Variants in EIF2D observed in about 807,000 individuals in gnomAD.
The protein encoded by EIF2D is eukaryotic translation initiation factor 2D.
EIF2D carries 56 observed loss-of-function variants against 77.4 expected under a neutral mutation model. The observed-to-expected ratio is 0.72, with a 90% CI of 0.58 to 0.90. The LOEUF (loss-of-function observed/expected upper bound fraction) is 0.90. Ranked by LOEUF, EIF2D falls within the 40% of genes least tolerant of loss-of-function variation. The probability of loss-of-function intolerance (pLI) is 0.00; values close to 1 mark genes in which losing one functional copy is unlikely to be tolerated. For missense variants in EIF2D, 574 were observed against 706.5 expected, an observed-to-expected ratio of 0.81 and a Z score of 2.13; for synonymous variants, 230 against 271.0, an observed-to-expected ratio of 0.85 and a Z score of 1.49.
rs1159399321 is a variant in EIF2D at position 206,599,966 on chromosome 1, AG to A, written c.949-131del. 3 of 883,230 alleles carry A rather than the reference AG, an allele frequency of 3.4e-6. No individual in the cohort carries two copies. Among genetic ancestry groups the A allele is most frequent in the Non-Finnish European group, 5.2e-6 (3 of 582,124 alleles). 54.7% of individuals were successfully genotyped at this position (883,230 alleles called of 1,614,324 possible). ...GAGACAGCCCCTGCCTTCATCAACC[AG>A]GAACTGGGAGGCCCCCAACCTGAGG... On this transcript the variant is annotated intron_variant, in intron 8 of 14. Coordinates refer to ENST00000271764, the MANE Select transcript of EIF2D (RefSeq NM_006893.3). This position sits in a 1 kb window ranked among gnomAD's most constrained non-coding sequence, Gnocchi z 4.1.
chr1:206,578,233 A>AGTGTGTGT (rs58059864), intron 4 of EIF2D, among the ~76,000 whole-genome samples: 7,074 of 117,470 alleles, frequency 0.06, 312 homozygotes, highest in East Asian at 0.22. Flanking sequence ...AAAAAAAAAA[A>AGTGTGTGT]GTGTGTGTGT....
chr1:206,609,290 A>C (rs565071291), intron 3 of EIF2D, 86 bp downstream of exon 3: 1 of 1,336,806 alleles, frequency 7.5e-7, no homozygotes, highest in Non-Finnish European at 1.1e-6. Context: ...CCACAAAAAC[A>C]CAGGAAATGG....
In EIF2D at chr1:206,609,470, A is replaced by G; in HGVS notation, c.248-11T>C. ...ACCACAGCGTGTACACTGTACAAAA[A>G]GAGATCCAGAAAACACTACTACCAA... On this transcript the variant is annotated splice_polypyrimidine_tract_variant and intron_variant, in intron 2 of 14. Coordinates refer to ENST00000271764, the MANE Select transcript of EIF2D (RefSeq NM_006893.3). 1 of 1,607,828 alleles carries G rather than the reference A, an allele frequency of 6.2e-7. No individual in the cohort carries two copies. Among genetic ancestry groups the G allele is most frequent in the South Asian group, 1.1e-5 (1 of 89,506 alleles).
intron 4 of EIF2D, among the ~76,000 whole-genome samples, chr1:206,573,241 G>A (rs1221843688): frequency 6.6e-6 from 1 of 152,014 alleles, no homozygotes; most frequent in African/African-American, 2.4e-5. Flanking sequence ...TGGGCGGACT[G>A]CTTGATTTTT....
chr1:206,586,862 C>G (rs1396094779), downstream of EIF2D: 9 of 1,613,958 alleles, frequency 5.6e-6, no homozygotes, highest in Non-Finnish European at 7.6e-6. Context: ...TCAGAACTTC[C>G]TAACAATCCT....
At chr1:206,591,154 G>A (rs1669326268), downstream of EIF2D, among the ~76,000 whole-genome samples, 1 of 152,210 alleles carries the variant, frequency 6.6e-6, no homozygotes, top group African/African-American at 2.4e-5. Context: ...CTGTAACAAA[G>A]CTGTCATCTT....
At chr1:206,594,300 A>G (rs1669529880) in intron 13 of EIF2D, 1 of 152,272 alleles carries the variant, frequency 6.6e-6, no homozygotes, top group Non-Finnish European at 1.5e-5. Flanking sequence ...CAAAACCATC[A>G]TCACACCTAA....
Position 206,607,031 on chromosome 1 carries a change from A to G in EIF2D, c.422+1205T>C, listed in dbSNP as rs114081374. 2.0e-3 allele frequency among the ~76,000 whole-genome samples: 299 copies of G among 152,326 alleles called. 1 individual carries two copies. Among genetic ancestry groups the G allele is most frequent in the African/African-American group, 6.6e-3 (276 of 41,562 alleles). On this transcript the variant is annotated intron_variant, in intron 4 of 14. Transcript: ENST00000271764. The stretch of plus-strand genomic sequence containing the variant: ...CAGTGTCCCTAGAGGCATCAATAAG[A>G]TAACGTTTGTAATAGAGACAAATTG...
In EIF2D at chr1:206,607,531, G is replaced by A. The variant is rs555871337; in HGVS notation, c.422+705C>T. On this transcript the variant is annotated intron_variant, in intron 4 of 14. Transcript: ENST00000271764. ...CCCAACTCTTTGCGAGGCCAAGGCAGGAGTATCGCTTGAAGCCAACAATCT... is the reference window on the plus strand; with the variant it reads ...CCCAACTCTTTGCGAGGCCAAGGCAAGAGTATCGCTTGAAGCCAACAATCT... Among the ~76,000 whole-genome samples the A allele has an allele frequency of 9.2e-5, 14 of 152,300 alleles. No homozygotes were observed. In the East Asian group the frequency reaches 2.5e-3, roughly 27 times the overall value.
chr1:206,596,661 T>C (rs1322195848), intron 12 of EIF2D, among the ~76,000 whole-genome samples: 1 of 152,164 alleles, frequency 6.6e-6, no homozygotes, highest in Non-Finnish European at 1.5e-5. Context: ...TTTTTTCTTA[T>C]TTTTTTAAAT....
At chr1:206,595,697 A>C in intron 13 of EIF2D, 21 bp downstream of exon 13, 1 of 1,611,796 alleles carries the variant, frequency 6.2e-7, no homozygotes, top group Non-Finnish European at 8.5e-7. Context: ...ATCCTTGAAC[A>C]TTGTGTCTTT....
At chr1:206,583,663 C>A in intron 2 of EIF2D, 1 of 393,174 alleles carries the variant, frequency 2.5e-6, no homozygotes, top group East Asian at 5.6e-5. Context: ...TTAAACGGTA[C>A]GTAATGACCA....
At position 206,591,699 on chromosome 1, in the gene EIF2D, C is replaced by T. The variant is rs1237023184; in HGVS notation, c.*76G>A. 6 of 1,309,346 alleles carry T rather than the reference C, an allele frequency of 4.6e-6. No individual in the cohort carries two copies. The African/African-American group carries it at 7.4e-5, about 16-fold the overall frequency. 81.1% of individuals were successfully genotyped at this position (1,309,346 alleles called of 1,614,324 possible). A position where few individuals can be genotyped will look rare whatever the true frequency, so the allele number is the denominator to read the frequency against. On this transcript the variant is annotated 3_prime_UTR_variant, in exon 15 of 15. Transcript: ENST00000271764. ...GAATTATATTTTGTATTTGCAAAAGCTGAAAATGCTCATAAAAATTACCAG... is the reference window on the plus strand; with the variant it reads ...GAATTATATTTTGTATTTGCAAAAGTTGAAAATGCTCATAAAAATTACCAG...
intron 14 of EIF2D, 75 bp downstream of exon 14, chr1:206,593,544 T>TGTGTGTGTGTGTGTGTGTGTGTGTG (rs1553409410): frequency 6.0e-6 from 7 of 1,168,660 alleles, no homozygotes; most frequent in Admixed American, 3.7e-5. Flanking sequence ...TGTGTGTGTA[T>TGTGTGTGTGTGTGTGTGTGTGTGTG]TATGCAAGTT....
intron 4 of EIF2D, among the ~76,000 whole-genome samples, chr1:206,575,494 A>G (rs1423329068): frequency 6.6e-5 from 10 of 152,138 alleles, no homozygotes; most frequent in Admixed American, 5.9e-4. Flanking sequence ...GACAATAGAG[A>G]AAAGTGGTGA....
chr1:206,591,887 T>C, intron 14 of EIF2D, 42 bp from the exon 15 acceptor site: 1 of 1,596,952 alleles, frequency 6.3e-7, no homozygotes, highest in Non-Finnish European at 8.6e-7. Flanking sequence ...GAGCATGACC[T>C]TGCTCCCCGG....
rs1669682868 is a variant in EIF2D at position 206,597,088 on chromosome 1, AATG to A, written c.1388+9_1388+11del. 7.5e-6 allele frequency: 12 copies of A among 1,610,558 alleles called. No homozygotes were observed. Among genetic ancestry groups the A allele is most frequent in the Non-Finnish European group, 1.0e-5 (12 of 1,176,978 alleles). ...ATAGAAAAGTTGGAGAGGGACTGCC[AATG>A]CTCGTTACCTGGTCAGAAGACTGTC... is the stretch of plus-strand genomic sequence containing the variant. On this transcript the variant is annotated intron_variant, in intron 12 of 14. Transcript: ENST00000271764.
chr1:206,577,774 A>G (rs1668709554), intron 4 of EIF2D, among the ~76,000 whole-genome samples: 1 of 152,228 alleles, frequency 6.6e-6, no homozygotes, highest in East Asian at 1.9e-4. Flanking sequence ...ACTGTAGGCA[A>G]TAGGGGATCA....
chr1:206,597,486 C>A (rs1364335873), intron 11 of EIF2D, among the ~76,000 whole-genome samples: 1 of 152,180 alleles, frequency 6.6e-6, no homozygotes, highest in Non-Finnish European at 1.5e-5. Flanking sequence ...TCAAAATTGG[C>A]TAGTGAGGAA....
Sources: allele counts gnomAD v4.1 joint callset (sites outside exome capture counted in the v4.1 genomes callset), GRCh38; gene constraint gnomAD v4.1.1; non-coding constraint Gnocchi (gnomAD v3.1); transcripts MANE v1.5; gene names NCBI Gene and HGNC (gene_info 2026-07-23, HGNC 2026-07-21).